Variants in PRIM2 observed in about 807,000 individuals in gnomAD.
The protein encoded by PRIM2 is DNA primase subunit 2.
A neutral mutation model predicts 67.3 loss-of-function variants in PRIM2; 39 were observed. That is an observed-to-expected ratio of 0.58 (90% CI 0.45 to 0.76). The LOEUF (loss-of-function observed/expected upper bound fraction) is 0.76. PRIM2 is among the 30% of genes least tolerant of loss of function. The pLI, the probability that PRIM2 is intolerant of heterozygous loss-of-function variation, is 0.00. For synonymous variants in PRIM2, 143 were observed against 198.7 expected, an observed-to-expected ratio of 0.72 and a Z score of 2.36; for missense variants, 398 against 598.7, an observed-to-expected ratio of 0.66 and a Z score of 3.50.
At chr6:57,363,571 C>G (rs1769262295) in intron 5 of PRIM2, among the ~76,000 whole-genome samples, 1 of 152,132 alleles carries the variant, frequency 6.6e-6, no homozygotes, top group Non-Finnish European at 1.5e-5. Context: ...TAAGATATAT[C>G]ACTCTGCTGC....
chr6:57,366,831 G>A (rs1769378223), intron 5 of PRIM2, among the ~76,000 whole-genome samples: 2 of 152,164 alleles, frequency 1.3e-5, no homozygotes, highest in Non-Finnish European at 2.9e-5. Context: ...CAGCTGGCTA[G>A]GGTGGAGGAA....
intron 7 of PRIM2, among the ~76,000 whole-genome samples, chr6:57,458,384 A>G (rs1342353543): frequency 0.01 from 1,557 of 152,276 alleles, 28 homozygotes; most frequent in African/African-American, 0.034. Flanking sequence ...TATGCCCTGG[A>G]AAAGAACTGT....
chr6:57,477,811 G>T (rs1773511152), intron 7 of PRIM2, among the ~76,000 whole-genome samples: 1 of 152,148 alleles, frequency 6.6e-6, no homozygotes, highest in African/African-American at 2.4e-5. Context: ...GAAGGATAAA[G>T]CAAAGTTTGT....
At chr6:57,381,987 A>C (rs62415470) in intron 6 of PRIM2, 44 bp from the exon 7 acceptor site, 24 of 1,558,458 alleles carry the variant, frequency 1.5e-5, no homozygotes, top group East Asian at 9.2e-5. Context: ...GGATTTCTTA[A>C]TGACAGGTGC....
chr6:57,433,139 T>C (rs1348062261), intron 7 of PRIM2, among the ~76,000 whole-genome samples: 2 of 152,240 alleles, frequency 1.3e-5, no homozygotes, highest in African/African-American at 4.8e-5. Flanking sequence ...ACAGAGATCC[T>C]GTGGCCTTCA....
At chr6:57,604,864 G>A (rs1448725010) in intron 11 of PRIM2, among the ~76,000 whole-genome samples, 19 of 151,866 alleles carry the variant, frequency 1.3e-4, no homozygotes, top group South Asian at 2.1e-4. Flanking sequence ...CTAATTTTTT[G>A]TATTTTTAGT....
chr6:57,454,128 G>A (rs563105593), intron 7 of PRIM2, among the ~76,000 whole-genome samples: 1 of 152,180 alleles, frequency 6.6e-6, no homozygotes, highest in Non-Finnish European at 1.5e-5. Flanking sequence ...TGCATCCCAG[G>A]GATGAAGCCC....
chr6:57,604,753 C>T (rs1226553663), intron 11 of PRIM2, among the ~76,000 whole-genome samples: 6 of 150,796 alleles, frequency 4.0e-5, no homozygotes, highest in Non-Finnish European at 5.9e-5. Flanking sequence ...TGCAGTGGTG[C>T]GATCTGGGCT....
chr6:57,463,757 T>A (rs1215978281), intron 7 of PRIM2, among the ~76,000 whole-genome samples: 2 of 152,144 alleles, frequency 1.3e-5, no homozygotes, highest in Non-Finnish European at 2.9e-5. Flanking sequence ...GCTATATTCC[T>A]CACACAGAGG....
chr6:57,453,218 A>T (rs201466393), intron 7 of PRIM2, among the ~76,000 whole-genome samples: 1 of 152,170 alleles, frequency 6.6e-6, no homozygotes. Flanking sequence ...GTCAGGCAGC[A>T]TGATGCCTCC....
the PRIM2 span, among the ~76,000 whole-genome samples, chr6:57,237,597 G>T: frequency 2.0e-5 from 3 of 152,104 alleles, no homozygotes; most frequent in African/African-American, 2.4e-5. Context: ...TTTGTATAAG[G>T]TGTAAGGAAG....
the PRIM2 span, among the ~76,000 whole-genome samples, chr6:57,264,261 G>A: frequency 6.6e-6 from 1 of 152,114 alleles, no homozygotes; most frequent in Admixed American, 6.5e-5. Context: ...AGTGTTGGGT[G>A]GTGCAGTACC....
intron 10 of PRIM2, among the ~76,000 whole-genome samples, chr6:57,551,451 A>T (rs1242725873): frequency 1.6e-4 from 24 of 152,224 alleles, no homozygotes; most frequent in Non-Finnish European, 2.6e-4. Flanking sequence ...AATGGTAAGG[A>T]TGATATTGAT....
chr6:57,335,002 G>A (rs143770225), intron 5 of PRIM2, among the ~76,000 whole-genome samples: 9,688 of 111,516 alleles, frequency 0.087, 367 homozygotes, highest in Admixed American at 0.14. Flanking sequence ...CAGTGGGTGC[G>A]CGCACCGTGC....
At chr6:57,603,585 C>T (rs1451895305) in intron 11 of PRIM2, among the ~76,000 whole-genome samples, 6 of 151,854 alleles carry the variant, frequency 4.0e-5, no homozygotes, top group African/African-American at 1.2e-4. Context: ...TTACAATAGC[C>T]TTATAGTATA....
chr6:57,412,310 ATATAAG>A (rs1447269597), intron 7 of PRIM2, among the ~76,000 whole-genome samples: 11 of 152,080 alleles, frequency 7.2e-5, no homozygotes, highest in African/African-American at 1.7e-4. Flanking sequence ...TTTGTCTATA[ATATAAG>A]TATATTTGTT....
the PRIM2 span, among the ~76,000 whole-genome samples, chr6:57,244,571 A>C: frequency 6.6e-6 from 1 of 152,074 alleles, no homozygotes; most frequent in African/African-American, 2.4e-5. Context: ...GACCAGTCTG[A>C]ACAACATGGA....
At chr6:57,496,237 G>A (rs1343103510) in intron 7 of PRIM2, among the ~76,000 whole-genome samples, 1 of 152,186 alleles carries the variant, frequency 6.6e-6, no homozygotes, top group Non-Finnish European at 1.5e-5. Flanking sequence ...ATGTATTTAA[G>A]TGTAGTGCAG....
the PRIM2 span, among the ~76,000 whole-genome samples, chr6:57,259,747 A>G: frequency 1.3e-5 from 2 of 152,110 alleles, no homozygotes; most frequent in Non-Finnish European, 2.9e-5. Flanking sequence ...ATGGCTCACC[A>G]AGTCCACTGA....
Sources: allele counts gnomAD v4.1 joint callset (sites outside exome capture counted in the v4.1 genomes callset), GRCh38; gene constraint gnomAD v4.1.1; transcripts MANE v1.5; gene names NCBI Gene and HGNC (gene_info 2026-07-23, HGNC 2026-07-21).